ADRA1B: variants seen among roughly 807,000 people sequenced by gnomAD.
ADRA1B encodes the protein alpha-1B adrenergic receptor.
In ADRA1B, 17 loss-of-function variants were observed where a neutral mutation model predicts 17.9. The ratio of observed to expected loss-of-function variants is 0.95; its 90% CI spans 0.65 to 1.42. The LOEUF is 1.42. Among genes scored for constraint, ADRA1B ranks in the 40% most tolerant of loss-of-function variants. ADRA1B has a pLI of 0.00. For synonymous variants in ADRA1B, 366 were observed against 327.6 expected, an observed-to-expected ratio of 1.12 and a Z score of -1.27; for missense variants, 681 against 722.1, an observed-to-expected ratio of 0.94 and a Z score of 0.65.
intron 1 of ADRA1B, among the ~76,000 whole-genome samples, chr5:159,924,079 A>G (rs1754570905): frequency 6.6e-6 from 1 of 152,234 alleles, no homozygotes; most frequent in African/African-American, 2.4e-5. Flanking sequence ...CTTCTCCAAC[A>G]TTTGTCTGAG....
At chr5:159,984,744 A>C in the ADRA1B span, among the ~76,000 whole-genome samples, 2 of 96,144 alleles carry the variant, frequency 2.1e-5, no homozygotes, top group Non-Finnish European at 4.1e-5. Flanking sequence ...CTAAAAATAC[A>C]AAAAAAAAAA....
chr5:159,948,929 AAAT>A (rs1380601073), intron 1 of ADRA1B, among the ~76,000 whole-genome samples: 1 of 152,226 alleles, frequency 6.6e-6, no homozygotes, highest in African/African-American at 2.4e-5. Context: ...CCCTATGGAT[AAAT>A]AATATTATCT....
the ADRA1B span, among the ~76,000 whole-genome samples, chr5:159,985,575 G>T: frequency 3.9e-5 from 6 of 152,214 alleles, no homozygotes; most frequent in Non-Finnish European, 7.3e-5. Flanking sequence ...CAGTGACATT[G>T]TACCAACAGC....
chr5:159,965,822 G>GA (rs1324299551), intron 1 of ADRA1B, among the ~76,000 whole-genome samples: 4 of 152,142 alleles, frequency 2.6e-5, no homozygotes, highest in Admixed American at 6.6e-5. Context: ...CTTCATGAGG[G>GA]ATCTGAATTT....
intron 1 of ADRA1B, among the ~76,000 whole-genome samples, chr5:159,874,496 G>C (rs1753781818): frequency 6.6e-6 from 1 of 152,060 alleles, no homozygotes; most frequent in South Asian, 2.1e-4. Flanking sequence ...TGACTTCATT[G>C]ACATTTCTTC....
At position 159,916,972 on chromosome 5, in the gene ADRA1B, G is replaced by A; in HGVS notation, c.67G>A (p.Ala23Thr). ...TGCCCACTGGGGAGAGTTGAAAAAT[G>A]CCAACTTCACTGGCCCCAACCAGAC... is the stretch of plus-strand genomic sequence containing the variant. ...APAHWGELKN[A>T]NFTGPNQTSS... The change falls in exon 1 of 2, where the codon GCC becomes ACC. Residue 23 changes from alanine (A) to threonine (T), a missense_variant. Coordinates refer to ENST00000306675, the MANE Select transcript of ADRA1B (RefSeq NM_000679.4). The A allele has an allele frequency of 1.9e-6, 3 of 1,614,138 alleles. No homozygotes were observed. Among genetic ancestry groups the A allele is most frequent in the Non-Finnish European group, 2.5e-6 (3 of 1,180,008 alleles).
intron 1 of ADRA1B, among the ~76,000 whole-genome samples, chr5:159,923,406 G>A (rs1754545857): frequency 6.6e-6 from 1 of 152,280 alleles, no homozygotes; most frequent in Non-Finnish European, 1.5e-5. Flanking sequence ...CTAGGCAGGG[G>A]CAGTGGAGGT....
intron 1 of ADRA1B, chr5:159,929,074 C>T (rs1490383165): frequency 6.6e-6 from 1 of 152,058 alleles, no homozygotes; most frequent in Non-Finnish European, 1.5e-5. Flanking sequence ...TTTCGCGGAC[C>T]CCTTTGGCAA....
chr5:159,964,610 A>AG, intron 1 of ADRA1B, among the ~76,000 whole-genome samples: 1 of 152,338 alleles, frequency 6.6e-6, no homozygotes, highest in South Asian at 2.1e-4. Context: ...CAACCCTTTG[A>AG]GGGTTACTGA....
At chr5:159,870,719 A>G (rs1403475510) in intron 1 of ADRA1B, 1 of 152,232 alleles carries the variant, frequency 6.6e-6, no homozygotes, top group Admixed American at 6.5e-5. Context: ...AAGTGAACGC[A>G]AAGGAATCAA....
chr5:159,885,847 C>A (rs1290027571), intron 1 of ADRA1B, among the ~76,000 whole-genome samples: 2 of 152,202 alleles, frequency 1.3e-5, no homozygotes, highest in African/African-American at 4.8e-5. Context: ...ACTCTACAAG[C>A]ATTGTTGCAC....
chr5:159,887,230 A>C (rs1010152719), intron 1 of ADRA1B, among the ~76,000 whole-genome samples: 1 of 152,232 alleles, frequency 6.6e-6, no homozygotes, highest in Non-Finnish European at 1.5e-5. Context: ...GGTTGGCTAC[A>C]AAGATGATTT....
At chr5:159,924,177 G>T (rs1754575196) in intron 1 of ADRA1B, among the ~76,000 whole-genome samples, 1 of 152,212 alleles carries the variant, frequency 6.6e-6, no homozygotes, top group Non-Finnish European at 1.5e-5. Context: ...TGTATTTCAT[G>T]TAAATGATTC....
At chr5:159,883,485 T>C (rs541413691) in intron 1 of ADRA1B, among the ~76,000 whole-genome samples, 1 of 152,324 alleles carries the variant, frequency 6.6e-6, no homozygotes, top group Non-Finnish European at 1.5e-5. Flanking sequence ...GGGCAACTCT[T>C]GTTGTCCACT....
intron 1 of ADRA1B, among the ~76,000 whole-genome samples, chr5:159,872,736 G>T (rs1753760361): frequency 6.6e-6 from 1 of 152,064 alleles, no homozygotes; most frequent in African/African-American, 2.4e-5. Flanking sequence ...TCTGAAATCT[G>T]CAATAAAACC....
intron 1 of ADRA1B, among the ~76,000 whole-genome samples, chr5:159,866,518 C>G (rs927056587): frequency 6.8e-6 from 1 of 148,104 alleles, no homozygotes; most frequent in African/African-American, 2.5e-5. Context: ...ACCCGGGAGG[C>G]GGAGGTTGGG....
Position 159,917,296 on chromosome 5 carries a change from G to A in ADRA1B, c.391G>A (p.Ala131Thr), listed in dbSNP as rs1273793413. 1 of 1,614,096 alleles carries A rather than the reference G, an allele frequency of 6.2e-7. No individual in the cohort carries two copies. The highest frequency in any genetic ancestry group is 2.2e-5 in the East Asian group (1 of 44,874). The change falls in exon 1 of 2, where the codon GCG becomes ACG. Residue 131 changes from alanine to threonine, a missense_variant. Ala to Thr is a moderately conservative substitution (Grantham distance 58). Coordinates refer to ENST00000306675, the MANE Select transcript of ADRA1B (RefSeq NM_000679.4). ...WAAVDVLCCT[A>T]SILSLCAISI... Reference sequence around the variant, plus strand: ...AGCCGTGGATGTCCTGTGCTGCACAGCGTCCATTCTGAGCCTGTGCGCCAT... The same window carrying A: ...AGCCGTGGATGTCCTGTGCTGCACAACGTCCATTCTGAGCCTGTGCGCCAT...
At chr5:159,873,731 A>G (rs573796263) in intron 1 of ADRA1B, among the ~76,000 whole-genome samples, 85 of 152,274 alleles carry the variant, frequency 5.6e-4, no homozygotes, top group African/African-American at 1.9e-3. Flanking sequence ...ACCATCGTGG[A>G]GGTGGTTTCA....
chr5:159,949,048 G>A (rs1029608156), intron 1 of ADRA1B, among the ~76,000 whole-genome samples: 1 of 152,166 alleles, frequency 6.6e-6, no homozygotes, highest in Non-Finnish European at 1.5e-5. Context: ...AAGTCAGCCT[G>A]ACTGCAGAGC....
Sources: allele counts gnomAD v4.1 joint callset (sites outside exome capture counted in the v4.1 genomes callset), GRCh38; gene constraint gnomAD v4.1.1; transcripts MANE v1.5; gene names NCBI Gene and HGNC (gene_info 2026-07-23, HGNC 2026-07-21).